RLF: variants seen among roughly 807,000 people sequenced by gnomAD.
The protein encoded by RLF is zinc finger protein Rlf.
Under a neutral mutation model 162.9 loss-of-function variants are expected in RLF, and 7 were observed. That is an observed-to-expected ratio of 0.04 (90% confidence interval 0.02 to 0.08). The LOEUF (loss-of-function observed/expected upper bound fraction) is 0.08. Among genes scored for constraint, RLF ranks in the 10% least tolerant of loss-of-function variants. RLF has a pLI of 1.00. For synonymous variants in RLF, 782 were observed against 791.5 expected, an observed-to-expected ratio of 0.99 and a Z score of 0.20; for missense variants, 1,664 against 2,244.7, an observed-to-expected ratio of 0.74 and a Z score of 5.23.
Position 40,204,310 on chromosome 1 carries a change from C to T in RLF, c.810+1696C>T, listed in dbSNP as rs534935827. 2.1e-3 allele frequency among the ~76,000 whole-genome samples: 324 copies of T among 152,100 alleles called. 1 individual carries two copies. Among genetic ancestry groups the T allele is most frequent in the Admixed American group, 7.7e-3 (118 of 15,278 alleles). On this transcript the variant is annotated intron_variant, in intron 5 of 7. Coordinates refer to ENST00000372771, the MANE Select transcript of RLF (RefSeq NM_012421.4). The stretch of plus-strand genomic sequence containing the variant: ...GATTACAGGCGTGAGCCACTGCTCC[C>T]GGCCACTGGTCTCTCTCTTAATTGT...
At chr1:40,163,616 AT>A (rs1243802185) in intron 1 of RLF, among the ~76,000 whole-genome samples, 1 of 152,146 alleles carries the variant, frequency 6.6e-6, no homozygotes, top group Non-Finnish European at 1.5e-5. Flanking sequence ...TTAACCTAAA[AT>A]TTTCCCAAAA....
intron 1 of RLF, among the ~76,000 whole-genome samples, chr1:40,180,285 G>T (rs1290922386): frequency 6.6e-6 from 1 of 151,972 alleles, no homozygotes; most frequent in Non-Finnish European, 1.5e-5. Context: ...TTGAGACAGG[G>T]TCTTGCTTTG....
chr1:40,219,928 G>A (rs1642969945), intron 5 of RLF, among the ~76,000 whole-genome samples: 1 of 152,140 alleles, frequency 6.6e-6, no homozygotes, highest in Non-Finnish European at 1.5e-5. Context: ...TAACTTAGAA[G>A]GCATGGAGAT....
Position 40,173,412 on chromosome 1 carries a change from A to AT in RLF, c.237+11785dup, listed in dbSNP as rs976949100. On this transcript the variant is annotated intron_variant, in intron 1 of 7. Coordinates refer to ENST00000372771, the MANE Select transcript of RLF (RefSeq NM_012421.4). ...ATTTTTATATGTATCAGACATTTAC[A>AT]TTTTTTTTTGTGAGGTTTACCTTTT... 1.5e-4 allele frequency among the ~76,000 whole-genome samples: 23 copies of AT among 149,478 alleles called. 1 individual carries two copies. In the Middle Eastern group the frequency reaches 0.014, roughly 90 times the overall value.
intron 3 of RLF, 59 bp downstream of exon 3, chr1:40,190,912 C>A (rs1642548522): frequency 3.0e-6 from 3 of 1,002,144 alleles, no homozygotes; most frequent in Non-Finnish European, 4.5e-6. Context: ...TTAATTACTC[C>A]CAGCAAACTA....
chr1:40,188,854 T>C lies in RLF; in HGVS notation c.238-201T>C, dbSNP rs112296948. ...TATTCTGACATCAAAAGAGTAGTTC[T>C]GCCATTTCTTTAACTCAGCAGAAAT... On this transcript the variant is annotated intron_variant, in intron 1 of 7. Coordinates refer to ENST00000372771, the MANE Select transcript of RLF (RefSeq NM_012421.4). 4.6e-3 allele frequency among the ~76,000 whole-genome samples: 704 copies of C among 152,316 alleles called. 5 individuals are homozygous for C. The highest frequency in any genetic ancestry group is 0.016 in the African/African-American group (667 of 41,574).
chr1:40,199,582 C>T (rs1028215359), intron 4 of RLF, among the ~76,000 whole-genome samples: 2 of 152,148 alleles, frequency 1.3e-5, no homozygotes, highest in Non-Finnish European at 2.9e-5. Context: ...GAAATGTTAA[C>T]GTTTGTACAC....
At chr1:40,216,949 G>A (rs1006146786) in intron 5 of RLF, among the ~76,000 whole-genome samples, 1 of 152,098 alleles carries the variant, frequency 6.6e-6, no homozygotes, top group African/African-American at 2.4e-5. Flanking sequence ...CTACTCAGGA[G>A]GCTGAGGCAG....
chr1:40,195,232 C>T (rs1273060831), intron 3 of RLF, among the ~76,000 whole-genome samples: 1 of 150,838 alleles, frequency 6.6e-6, no homozygotes, highest in African/African-American at 2.4e-5. Flanking sequence ...GGGTGGATCA[C>T]GAGGTCAGGA....
chr1:40,184,993 T>G (rs1296412034), intron 1 of RLF, among the ~76,000 whole-genome samples: 1 of 152,084 alleles, frequency 6.6e-6, no homozygotes, highest in Non-Finnish European at 1.5e-5. Context: ...TCCCAGCACT[T>G]TGAGAGGCCA....
At chr1:40,189,788 T>G (rs1368820336) in intron 2 of RLF, among the ~76,000 whole-genome samples, 1 of 151,040 alleles carries the variant, frequency 6.6e-6, no homozygotes, top group Non-Finnish European at 1.5e-5. Context: ...GGTGGTGGAG[T>G]GGAGACTGTC....
intron 1 of RLF, among the ~76,000 whole-genome samples, chr1:40,186,966 A>G (rs528680456): frequency 1.3e-5 from 2 of 152,006 alleles, no homozygotes; most frequent in South Asian, 2.1e-4. Flanking sequence ...TGCAGACAGT[A>G]AGTAACTTAC....
Position 40,237,484 on chromosome 1 carries a change from T to C in RLF, c.2782T>C (p.Ser928Pro), listed in dbSNP as rs1050942940. 1.2e-5 allele frequency: 19 copies of C among 1,614,024 alleles called. No homozygotes were observed. The highest frequency in any genetic ancestry group is 6.7e-5 in the East Asian group (3 of 44,894). Residue 928 changes from serine to proline, a missense_variant, in exon 8 of 8, where the codon TCT becomes CCT. By Grantham distance (74) the Ser-to-Pro change is moderately conservative. Transcript: ENST00000372771. The surrounding 1 kb of genome is among the most constrained non-coding windows in gnomAD (Gnocchi z 4.4). ...HSETMQDVLL[S>P]NEKVFGPSSL... Reference sequence around the variant, plus strand: ...TGAAACTATGCAGGATGTATTGTTATCTAATGAGAAAGTCTTTGGGCCCTC... The same window carrying C: ...TGAAACTATGCAGGATGTATTGTTACCTAATGAGAAAGTCTTTGGGCCCTC...
At position 40,214,936 on chromosome 1, in the gene RLF, A is replaced by AAC. The variant is rs1642905821; in HGVS notation, c.811-7637_811-7636insCA. Among the ~76,000 whole-genome samples the AAC allele has an allele frequency of 2.0e-5, 3 of 149,616 alleles. 1 individual carries two copies. Among genetic ancestry groups the AAC allele is most frequent in the Admixed American group, 6.7e-5 (1 of 14,946 alleles). ...CCTGTCTCAAAAAAAAAAAAAAAAA[A>AAC]AAAAAAAAACTAAAGTATGAGAACA... On this transcript the variant is annotated intron_variant, in intron 5 of 7. Transcript: ENST00000372771.
chr1:40,161,424 G>A lies in RLF; in HGVS notation c.25G>A (p.Ala9Thr), dbSNP rs781185783. 3.2e-6 allele frequency: 5 copies of A among 1,549,374 alleles called. No homozygotes were observed. In the South Asian group the frequency reaches 6.0e-5, roughly 18 times the overall value. The change falls in exon 1 of 8, where the codon GCC becomes ACC. Residue 9 changes from alanine (A) to threonine (T), a missense_variant. Physicochemically the swap from Ala to Thr is moderately conservative, Grantham distance 58. Transcript: ENST00000372771. This position sits in a 1 kb window ranked among gnomAD's most constrained non-coding sequence, Gnocchi z 4.4. MADGKGDA[A>T]AVAGAGAEAP... is the part of the protein sequence containing the mutation. Reference sequence around the variant, plus strand: ...GATGGCGGACGGAAAGGGAGACGCCGCCGCTGTCGCCGGGGCTGGGGCTGA... The same window carrying A: ...GATGGCGGACGGAAAGGGAGACGCCACCGCTGTCGCCGGGGCTGGGGCTGA...
In RLF at chr1:40,240,487, G is replaced by GCAA. The variant is rs1557765559; in HGVS notation, c.*43_*45dup. 1 of 1,420,330 alleles carries GCAA rather than the reference G, an allele frequency of 7.0e-7. No individual in the cohort carries two copies. The highest frequency in any genetic ancestry group is 9.8e-7 in the Non-Finnish European group (1 of 1,023,708). 88.0% of individuals were successfully genotyped at this position (1,420,330 alleles called of 1,614,324 possible). ...TTAGTAACAGACTGGCTCCAACACT[G>GCAA]CAACATGGGGACATTTGCCAACTCG... On this transcript the variant is annotated 3_prime_UTR_variant, in exon 8 of 8. Transcript: ENST00000372771.
chr1:40,187,917 A>T (rs551575355), intron 1 of RLF, among the ~76,000 whole-genome samples: 1 of 152,338 alleles, frequency 6.6e-6, no homozygotes, highest in East Asian at 1.9e-4. Context: ...TAGGGTAATG[A>T]ATTCAGATAA....
chr1:40,228,504 AC>A (rs985350377), intron 6 of RLF, among the ~76,000 whole-genome samples: 21 of 151,062 alleles, frequency 1.4e-4, no homozygotes, highest in African/African-American at 5.1e-4. Context: ...AATCACTTGA[AC>A]CCGGGAGGCG....
chr1:40,220,696 G>A (rs1642980681), intron 5 of RLF, among the ~76,000 whole-genome samples: 1 of 152,180 alleles, frequency 6.6e-6, no homozygotes, highest in African/African-American at 2.4e-5. Context: ...TGCTTTGCTA[G>A]GCACATACAT....
Sources: gnomAD v4.1 joint callset for allele counts (sites outside exome capture counted in the v4.1 genomes callset) on GRCh38, gnomAD v4.1.1 for gene constraint, Gnocchi (gnomAD v3.1) non-coding constraint, MANE v1.5 for transcripts, NCBI Gene and HGNC (gene_info 2026-07-23, HGNC 2026-07-21) for gene names.